Variants in ABCD3 observed in about 807,000 individuals in gnomAD.
ABCD3 encodes ATP binding cassette subfamily D member 3, also known as ATP-binding cassette sub-family D member 3.
In ABCD3, 41 loss-of-function variants were observed where a neutral mutation model predicts 105.5. That is an observed-to-expected ratio of 0.39 (90% CI 0.30 to 0.50). ABCD3 has a LOEUF of 0.50. ABCD3 is among the 20% of genes least tolerant of loss of function. ABCD3 has a pLI of 0.84. For missense variants in ABCD3, 622 were observed against 806.3 expected, an observed-to-expected ratio of 0.77 and a Z score of 2.77; for synonymous variants, 258 against 269.0, an observed-to-expected ratio of 0.96 and a Z score of 0.40.
intron 1 of ABCD3, among the ~76,000 whole-genome samples, chr1:94,433,831 T>A (rs1163392960): frequency 1.3e-5 from 2 of 151,762 alleles, no homozygotes; most frequent in Non-Finnish European, 2.9e-5. Flanking sequence ...TTTTTTCCAG[T>A]TAAAACGGGG....
At chr1:94,493,329 A>G (rs1649627994) in intron 16 of ABCD3, among the ~76,000 whole-genome samples, 2 of 152,044 alleles carry the variant, frequency 1.3e-5, no homozygotes, top group African/African-American at 4.8e-5. Flanking sequence ...GCAGCCAAAA[A>G]ACACATGAAA....
rs765293726 is a variant in ABCD3 at position 94,517,668 on chromosome 1, G to C, written c.*539G>C. The C allele has an allele frequency of 8.0e-5, 13 of 162,024 alleles. No homozygotes were observed. Among genetic ancestry groups the C allele is most frequent in the Non-Finnish European group, 1.4e-4 (10 of 73,806 alleles). 10.0% of individuals were successfully genotyped at this position (162,024 alleles called of 1,614,324 possible). A position where few individuals can be genotyped will look rare whatever the true frequency, so the allele number is the denominator to read the frequency against. On this transcript the variant is annotated 3_prime_UTR_variant, in exon 23 of 23. Transcript: ENST00000370214. ...GTGGCAGATTTCTTTAGCTGCCACAGTAATACTCATTCCTTGTGTGTGTCT... is the reference window on the plus strand; with the variant it reads ...GTGGCAGATTTCTTTAGCTGCCACACTAATACTCATTCCTTGTGTGTGTCT...
Position 94,517,155 on chromosome 1 carries a change from T to C in ABCD3, c.*26T>C. On this transcript the variant is annotated 3_prime_UTR_variant, in exon 23 of 23. Transcript: ENST00000370214. ...AGAAATCTGGAGAACTATACCTGCT[T>C]CAGTGAAATAATTACAGAATATACT... is the stretch of plus-strand genomic sequence containing the variant. 1 of 1,506,988 alleles carries C rather than the reference T, an allele frequency of 6.6e-7. No homozygotes were observed. The highest frequency in any genetic ancestry group is 9.2e-7 in the Non-Finnish European group (1 of 1,083,462). 93.4% of individuals were successfully genotyped at this position (1,506,988 alleles called of 1,614,324 possible).
chr1:94,488,484 T>G (rs1220300091), intron 13 of ABCD3, among the ~76,000 whole-genome samples: 1 of 152,048 alleles, frequency 6.6e-6, no homozygotes, highest in African/African-American at 2.4e-5. Flanking sequence ...CTTTAGACAG[T>G]AGAATGAAAT....
chr1:94,391,137 A>G, the ABCD3 span, among the ~76,000 whole-genome samples: 3 of 152,184 alleles, frequency 2.0e-5, no homozygotes, highest in South Asian at 6.2e-4. Context: ...TTGTTCAATG[A>G]GTGGGCTCCA....
At chr1:94,506,243 T>C (rs1650343013) in intron 20 of ABCD3, among the ~76,000 whole-genome samples, 3 of 152,072 alleles carry the variant, frequency 2.0e-5, no homozygotes, top group South Asian at 4.1e-4. Flanking sequence ...ATTTGTTTAG[T>C]GAGCTTTCTT....
chr1:94,511,627 A>G (rs1650677653), intron 21 of ABCD3, among the ~76,000 whole-genome samples: 1 of 152,082 alleles, frequency 6.6e-6, no homozygotes, highest in Non-Finnish European at 1.5e-5. Flanking sequence ...TTTCAGGTAC[A>G]CCAATCAGAT....
intron 2 of ABCD3, among the ~76,000 whole-genome samples, chr1:94,463,679 G>A (rs919017668): frequency 2.6e-5 from 4 of 152,012 alleles, no homozygotes; most frequent in African/African-American, 7.2e-5. Flanking sequence ...AGTAAGTCTC[G>A]TCACGTGTTT....
At chr1:94,425,407 G>C (rs1335946006) in intron 1 of ABCD3, among the ~76,000 whole-genome samples, 2 of 152,118 alleles carry the variant, frequency 1.3e-5, no homozygotes, top group Admixed American at 1.3e-4. Context: ...ATATTCCTCT[G>C]TGTGACAATA....
chr1:94,399,947 A>G, the ABCD3 span, among the ~76,000 whole-genome samples: 7 of 152,162 alleles, frequency 4.6e-5, no homozygotes, highest in African/African-American at 1.4e-4. Flanking sequence ...TAGCATCTGG[A>G]GGCTGAGGTG....
the ABCD3 span, among the ~76,000 whole-genome samples, chr1:94,385,678 G>A: frequency 1.9e-3 from 287 of 152,282 alleles, 6 homozygotes; most frequent in Admixed American, 0.017. Flanking sequence ...ATCTTCCAAA[G>A]AACTTTACAT....
chr1:94,406,342 T>TG, the ABCD3 span: 7 of 173,304 alleles, frequency 4.0e-5, no homozygotes, highest in African/African-American at 9.8e-5. Context: ...TTTGTTTTGT[T>TG]TTTTTTTTTT....
At chr1:94,394,731 T>C in the ABCD3 span, among the ~76,000 whole-genome samples, 1 of 152,200 alleles carries the variant, frequency 6.6e-6, no homozygotes, top group South Asian at 2.1e-4. Flanking sequence ...TTCCTACTCC[T>C]TTCCTATCGA....
Position 94,499,520 on chromosome 1 carries a change from T to A in ABCD3, c.1646T>A (p.Val549Asp). 1 of 1,613,670 alleles carries A rather than the reference T, an allele frequency of 6.2e-7. No homozygotes were observed. Among genetic ancestry groups the A allele is most frequent in the Non-Finnish European group, 8.5e-7 (1 of 1,179,702 alleles). ...DLVLKEYLDN[V>D]QLGHILEREG... is the part of the protein sequence containing the mutation. ...GTACTGAAGGAATACTTAGACAATGTCCAGTTGGGTCATATCCTTGAACGT... is the reference window on the plus strand; with the variant it reads ...GTACTGAAGGAATACTTAGACAATGACCAGTTGGGTCATATCCTTGAACGT... The change falls in exon 20 of 23, where the codon GTC becomes GAC. Residue 549 changes from valine (V) to aspartate (D), a missense_variant. Val to Asp is a radical substitution (Grantham distance 152). Coordinates refer to ENST00000370214, the MANE Select transcript of ABCD3 (RefSeq NM_002858.4).
intron 1 of ABCD3, among the ~76,000 whole-genome samples, chr1:94,449,289 A>T (rs974935950): frequency 6.6e-6 from 1 of 152,250 alleles, no homozygotes; most frequent in African/African-American, 2.4e-5. Flanking sequence ...CATCGAACAT[A>T]GCCACCTACT....
At chr1:94,506,941 G>C (rs140550161) in intron 21 of ABCD3, among the ~76,000 whole-genome samples, 3 of 151,408 alleles carry the variant, frequency 2.0e-5, no homozygotes, top group East Asian at 1.9e-4. Flanking sequence ...ATATAAATGA[G>C]TTACAAAAGT....
chr1:94,461,424 A>G (rs1647862771), intron 2 of ABCD3, among the ~76,000 whole-genome samples: 1 of 151,890 alleles, frequency 6.6e-6, no homozygotes, highest in African/African-American at 2.4e-5. Context: ...TGGGTTCAGT[A>G]TTTAGCATTC....
intron 1 of ABCD3, among the ~76,000 whole-genome samples, chr1:94,433,353 C>G (rs561818196): frequency 3.5e-4 from 53 of 151,988 alleles, no homozygotes; most frequent in Admixed American, 1.2e-3. Flanking sequence ...GGGATTTCTC[C>G]ATTTTGGCTA....
At chr1:94,436,102 G>A (rs932262900) in intron 1 of ABCD3, among the ~76,000 whole-genome samples, 1 of 152,116 alleles carries the variant, frequency 6.6e-6, no homozygotes, top group Non-Finnish European at 1.5e-5. Flanking sequence ...CCTTTTATTG[G>A]GAAATGGTAT....
Sources: gnomAD v4.1 joint callset for allele counts (sites outside exome capture counted in the v4.1 genomes callset) on GRCh38, gnomAD v4.1.1 for gene constraint, MANE v1.5 for transcripts, NCBI Gene and HGNC (gene_info 2026-07-23, HGNC 2026-07-21) for gene names.